The following BRME1 variants were observed in gnomAD, a reference collection of about 807,000 sequenced individuals.
The protein encoded by BRME1 is BRCA2 and MEILB2-associating protein 1.
A neutral mutation model predicts 52.6 loss-of-function variants in BRME1; 31 were observed. The ratio of observed to expected loss-of-function variants is 0.59; its 90% confidence interval spans 0.44 to 0.80. The LOEUF is 0.80. BRME1 is among the 30% of genes least tolerant of loss of function. BRME1 has a pLI of 0.00. For missense variants in BRME1, 804 were observed against 860.3 expected (o/e 0.93, Z 0.82); for synonymous variants, 359 against 353.6 (o/e 1.02, Z -0.17).
chr19:13,905,484 G>A (rs1011938179), intron 1 of BRME1, among the ~76,000 whole-genome samples: 2 of 150,348 alleles, frequency 1.3e-5, no homozygotes, highest in African/African-American at 2.5e-5. Flanking sequence ...CTCCAGCCTG[G>A]GCGACAGAGC....
At position 13,888,830 on chromosome 19, in the gene BRME1, G is replaced by A. The variant is rs557525335; in HGVS notation, c.1668+358C>T. The stretch of plus-strand genomic sequence containing the variant: ...AGCTTCTCTCCATCTGTGTCTACCC[G>A]CCTCAATACATCCCCTGGGACCCCA... On this transcript the variant is annotated intron_variant, in intron 6 of 8. Transcript: ENST00000586783. The surrounding 1 kb of genome is among the most constrained non-coding windows in gnomAD (Gnocchi z 4.1). Among the ~76,000 whole-genome samples the A allele has an allele frequency of 6.6e-6, 1 of 152,008 alleles. No individual in the cohort carries two copies. The highest frequency in any genetic ancestry group is 2.4e-5 in the African/African-American group (1 of 41,370).
chr19:13,886,865 G>A (rs1969067500), intron 6 of BRME1, among the ~76,000 whole-genome samples: 1 of 152,068 alleles, frequency 6.6e-6, no homozygotes, highest in Non-Finnish European at 1.5e-5. Flanking sequence ...TTGGGAGGCT[G>A]AGGCAGGAGG....
rs1968781667 is a variant in BRME1, at chr19:13,883,445, AC to A, written c.1764-46del. On this transcript the variant is annotated intron_variant, in intron 7 of 8. Transcript: ENST00000586783. This position sits in a 1 kb window ranked among gnomAD's most constrained non-coding sequence, Gnocchi z 4.2. ...ATTGAGAGTGGCCCGACCTCACTGG[AC>A]TACCAGAGCTCTCCAGTGGGAGGGG... 7.1e-7 allele frequency: 1 copy of A among 1,416,462 alleles called. No individual in the cohort carries two copies. Among genetic ancestry groups the A allele is most frequent in the Non-Finnish European group, 9.6e-7 (1 of 1,039,648 alleles). The allele number at this position is 1,416,462 out of a possible 1,614,324, so 87.7% of individuals were successfully genotyped here.
rs1348486270 is a variant in BRME1, at chr19:13,882,848, C to T, written c.1961G>A (p.Gly654Glu). 6.2e-7 allele frequency: 1 copy of T among 1,613,940 alleles called. No homozygotes were observed. The highest frequency in any genetic ancestry group is 1.3e-5 in the African/African-American group (1 of 74,902). Residue 654 changes from glycine (G) to glutamate (E), a missense_variant, in exon 9 of 9, where the codon GGG becomes GAG. Physicochemically the swap from Gly to Glu is moderately conservative, Grantham distance 98 (BLOSUM62 -2). This residue lies in a region of BRME1 where 552 missense variants were observed against 561.1 expected (regional missense o/e 0.98). Transcript: ENST00000586783. Reference sequence around the variant, plus strand: ...GTCCCCTCGAGGGATATTCCCAGGCCCCTTGGAAGGGTAAGGCAGGGGGGC... The same window carrying T: ...GTCCCCTCGAGGGATATTCCCAGGCTCCTTGGAAGGGTAAGGCAGGGGGGC... ...GKAPLPYPSK[G>E]PGNIPRGDPP...
chr19:13,905,163 G>A (rs1379009109), intron 1 of BRME1, among the ~76,000 whole-genome samples: 1 of 151,996 alleles, frequency 6.6e-6, no homozygotes. Flanking sequence ...AGACAAATGG[G>A]CCCTGGGGGG....
intron 6 of BRME1, among the ~76,000 whole-genome samples, chr19:13,887,452 C>T (rs1969117893): frequency 6.6e-6 from 1 of 152,200 alleles, no homozygotes; most frequent in Non-Finnish European, 1.5e-5. Context: ...CTGGATCCCC[C>T]CAAGTCTGGA....
intron 5 of BRME1, among the ~76,000 whole-genome samples, chr19:13,891,848 G>A (rs1027716861): frequency 2.6e-5 from 4 of 151,146 alleles, no homozygotes; most frequent in South Asian, 4.2e-4. Flanking sequence ...CGAGGCAGGC[G>A]GATCATTTGA....
At chr19:13,903,425 C>A (rs533338369) in intron 2 of BRME1, among the ~76,000 whole-genome samples, 9 of 152,228 alleles carry the variant, frequency 5.9e-5, no homozygotes, top group African/African-American at 2.4e-5. Flanking sequence ...GTAATCCCAG[C>A]ACTTTGGGAG....
chr19:13,895,000 C>G (rs1969777071), intron 3 of BRME1, among the ~76,000 whole-genome samples: 1 of 152,074 alleles, frequency 6.6e-6, no homozygotes, highest in Non-Finnish European at 1.5e-5. Context: ...CCTGCCTTAG[C>G]CTCCTGAGTA....
chr19:13,898,552 G>GTGAGT, intron 2 of BRME1, among the ~76,000 whole-genome samples: 1 of 151,940 alleles, frequency 6.6e-6, no homozygotes, highest in East Asian at 1.9e-4. Flanking sequence ...TGAAGCTGCA[G>GTGAGT]CAAGCCGTGA....
At chr19:13,902,375 T>C (rs1280729542) in intron 2 of BRME1, among the ~76,000 whole-genome samples, 1 of 151,812 alleles carries the variant, frequency 6.6e-6, no homozygotes, top group Non-Finnish European at 1.5e-5. Context: ...GGCTCATGCC[T>C]GTAATCCCAG....
In BRME1 at chr19:13,890,405, G is replaced by T; in HGVS notation, c.451C>A (p.Leu151Met). The change falls in exon 6 of 9, where the codon CTG (leucine) becomes ATG (methionine). Residue 151 changes from leucine (L) to methionine (M), a missense_variant. By Grantham distance (15) the Leu-to-Met change is conservative. Around this residue, in one of 3 missense-constraint regions of BRME1, gnomAD observed 234 missense variants for 258.1 expected, o/e 0.91. Transcript: ENST00000586783. ...GTGGCCTCCTGGAGGGGGACCCCCA[G>T]GGTCTCCACTAGCAGCTGGCATCCT... ...SPGCQLLVET[L>M]GVPLQEATEL... 6.6e-7 allele frequency: 1 copy of T among 1,524,202 alleles called. No homozygotes were observed. 94.4% of individuals were successfully genotyped at this position (1,524,202 alleles called of 1,614,324 possible). A position where few individuals can be genotyped will look rare whatever the true frequency, so the allele number is the denominator to read the frequency against.
At chr19:13,882,993 CA>C in intron 8 of BRME1, 41 bp from the exon 9 acceptor site, 1 of 1,591,302 alleles carries the variant, frequency 6.3e-7, no homozygotes, top group Non-Finnish European at 8.5e-7. Flanking sequence ...GCTCAGTGGT[CA>C]CCAGGTGACA....
At chr19:13,887,213 G>GC (rs1451779789) in intron 6 of BRME1, among the ~76,000 whole-genome samples, 2 of 152,194 alleles carry the variant, frequency 1.3e-5, no homozygotes, top group Admixed American at 1.3e-4. Flanking sequence ...TGTTCCCCGT[G>GC]CCCCTGCCCA....
chr19:13,894,433 G>A (rs1470562564), intron 3 of BRME1, among the ~76,000 whole-genome samples: 2 of 152,070 alleles, frequency 1.3e-5, no homozygotes, highest in African/African-American at 4.8e-5. Context: ...GCTGAGGCAG[G>A]AGAATCGCTT....
At chr19:13,886,711 G>C (rs548397973) in intron 6 of BRME1, among the ~76,000 whole-genome samples, 318 of 149,720 alleles carry the variant, frequency 2.1e-3, no homozygotes, top group African/African-American at 7.6e-3. Context: ...TGTAATCCCA[G>C]CACTTTGGAA....
rs1969281619 is a variant in BRME1, at chr19:13,889,376, G to A, written c.1480C>T (p.Gln494Ter). The stretch of plus-strand genomic sequence containing the variant: ...ATGCCCTGCTGAGCCCCGGGCTCCT[G>A]GAGAGGGTCGTCTGCTATTTCTCTG... ...EHREIADDPL[Q>*]EPGAQQGIPD... The change falls in exon 6 of 9, where the codon CAG becomes TAG. Residue 494 changes from glutamine (Q) to a stop codon, truncating the protein, a stop_gained. Transcript: ENST00000586783. LOFTEE classifies it high-confidence loss of function. The A allele has an allele frequency of 6.2e-7, 1 of 1,614,002 alleles. No homozygotes were observed. Among genetic ancestry groups the A allele is most frequent in the South Asian group, 1.1e-5 (1 of 91,084 alleles).
chr19:13,886,251 C>T (rs1450099883), intron 6 of BRME1, among the ~76,000 whole-genome samples, 196 bp from the exon 7 acceptor site: 1 of 152,238 alleles, frequency 6.6e-6, no homozygotes, highest in African/African-American at 2.4e-5. Flanking sequence ...GGCTACCAGC[C>T]TGGGCTGCGC....
intron 6 of BRME1, 150 bp from the exon 7 acceptor site, chr19:13,886,205 G>A (rs1414602142): frequency 1.7e-5 from 11 of 635,390 alleles, no homozygotes; most frequent in African/African-American, 5.5e-5. Context: ...GAGGAAGAGC[G>A]GTAACGGGGA....
Sources: gnomAD v4.1 joint callset for allele counts (sites outside exome capture counted in the v4.1 genomes callset) on GRCh38, gnomAD v4.1.1 for gene constraint, gnomAD v4.1.1 regional missense constraint, Gnocchi (gnomAD v3.1) non-coding constraint, MANE v1.5 for transcripts, NCBI Gene and HGNC (gene_info 2026-07-23, HGNC 2026-07-21) for gene names.